Variants in PTPDC1 observed in about 807,000 individuals in gnomAD.
PTPDC1 encodes the protein protein tyrosine phosphatase domain containing 1.
In PTPDC1, 53 loss-of-function variants were observed where a neutral mutation model predicts 75.3. The observed-to-expected ratio is 0.70, with a 90% CI of 0.56 to 0.88. PTPDC1 has a LOEUF of 0.88. Among genes scored for constraint, PTPDC1 ranks in the 40% least tolerant of loss-of-function variants. The probability of loss-of-function intolerance (pLI) is 0.00; values close to 1 mark genes in which losing one functional copy is unlikely to be tolerated. For synonymous variants in PTPDC1, 349 were observed against 366.2 expected, an observed-to-expected ratio of 0.95 and a Z score of 0.54; for missense variants, 925 against 998.6, an observed-to-expected ratio of 0.93 and a Z score of 0.99.
chr9:94,051,389 T>C (rs1825788155), intron 1 of PTPDC1, among the ~76,000 whole-genome samples: 1 of 152,226 alleles, frequency 6.6e-6, no homozygotes, highest in Non-Finnish European at 1.5e-5. Context: ...AAGTATGATA[T>C]TAACTGTGAC....
chr9:94,088,011 G>A lies in PTPDC1; in HGVS notation c.497+100G>A, dbSNP rs1827138913. On this transcript the variant is annotated intron_variant, in intron 3 of 8. Coordinates refer to ENST00000620992, the MANE Select transcript of PTPDC1 (RefSeq NM_001253829.2). ...AAAGAGTGCTTTCATTTTAACAATA[G>A]GCAGTGAAGAGTGTATTTCAAATGA... 2.1e-6 allele frequency: 3 copies of A among 1,437,730 alleles called. No homozygotes were observed. The Admixed American group carries it at 5.3e-5, about 26-fold the overall frequency. The allele number at this position is 1,437,730 out of a possible 1,614,324, so 89.1% of individuals were successfully genotyped here.
In PTPDC1 at chr9:94,047,569, G is replaced by C. The variant is rs569066419; in HGVS notation, c.-7+16442G>C. 9.7e-4 allele frequency among the ~76,000 whole-genome samples: 147 copies of C among 152,278 alleles called. 1 individual carries two copies. The highest frequency in any genetic ancestry group is 3.5e-3 in the African/African-American group (144 of 41,552). ...AGAAGGCAAGAAATAACTAAGATCA[G>C]AGCAGAACTGAAGGAAATAGAGACA... On this transcript the variant is annotated intron_variant, in intron 1 of 9. Transcript: ENST00000375360.
At chr9:94,036,028 T>TG (rs1825255110) in intron 1 of PTPDC1, among the ~76,000 whole-genome samples, 1 of 143,636 alleles carries the variant, frequency 7.0e-6, no homozygotes, top group African/African-American at 2.7e-5. Context: ...TATTTGTTTT[T>TG]TTTTTTGTTT....
At chr9:94,077,607 C>G (rs1201928305) in intron 2 of PTPDC1, among the ~76,000 whole-genome samples, 2 of 152,190 alleles carry the variant, frequency 1.3e-5, no homozygotes, top group African/African-American at 4.8e-5. Context: ...GGAAGAGGCA[C>G]AGAGCATCCA....
chr9:94,069,311 A>G (rs1826429696), intron 2 of PTPDC1, among the ~76,000 whole-genome samples: 1 of 152,132 alleles, frequency 6.6e-6, no homozygotes, highest in Non-Finnish European at 1.5e-5. Flanking sequence ...AAATCCATGC[A>G]TACTCAAGTC....
At chr9:94,106,248 A>G (rs1336939724) in intron 8 of PTPDC1, among the ~76,000 whole-genome samples, 1 of 152,194 alleles carries the variant, frequency 6.6e-6, no homozygotes, top group African/African-American at 2.4e-5. Context: ...ATGTCTCTTC[A>G]TAGTCTGATG....
At chr9:94,074,405 A>G (rs1826611332) in intron 2 of PTPDC1, among the ~76,000 whole-genome samples, 5 of 152,206 alleles carry the variant, frequency 3.3e-5, no homozygotes, top group Admixed American at 3.3e-4. Flanking sequence ...GATCAGCAAC[A>G]TGAGAAAAAA....
At chr9:94,073,096 C>T (rs1826569922) in intron 2 of PTPDC1, among the ~76,000 whole-genome samples, 3 of 152,076 alleles carry the variant, frequency 2.0e-5, no homozygotes, top group African/African-American at 7.2e-5. Context: ...AATTGGTGCC[C>T]ATTCTTCTTT....
At chr9:94,101,327 G>A in intron 6 of PTPDC1, 1 of 382,664 alleles carries the variant, frequency 2.6e-6, no homozygotes, top group South Asian at 8.1e-5. Context: ...CAGCCCAACA[G>A]CTTGTGAAGC....
chr9:94,070,676 C>T (rs1826482112), intron 2 of PTPDC1, among the ~76,000 whole-genome samples: 1 of 152,214 alleles, frequency 6.6e-6, no homozygotes. Flanking sequence ...CACCTACACT[C>T]CTAACTCTGG....
At chr9:94,087,042 C>G (rs1827098078) in intron 2 of PTPDC1, among the ~76,000 whole-genome samples, 1 of 152,186 alleles carries the variant, frequency 6.6e-6, no homozygotes, top group Admixed American at 6.5e-5. Flanking sequence ...CACCTTGTAA[C>G]TAAGATTCAG....
At chr9:94,097,280 TA>T in intron 5 of PTPDC1, 40 bp from the exon 6 acceptor site, 2 of 1,279,218 alleles carry the variant, frequency 1.6e-6, no homozygotes, top group Non-Finnish European at 2.2e-6. Flanking sequence ...AATAAAAATG[TA>T]AGCTTTTCTC....
At chr9:94,104,429 C>G in intron 8 of PTPDC1, 44 bp downstream of exon 8, 1 of 1,296,500 alleles carries the variant, frequency 7.7e-7, no homozygotes, top group Non-Finnish European at 1.1e-6. Flanking sequence ...CACAGATCAG[C>G]ATCATCTTTG....
rs372256547 is a variant in PTPDC1 at position 94,097,421 on chromosome 9, A to T, written c.855A>T (p.Arg285Ser). The T allele has an allele frequency of 1.9e-5, 30 of 1,614,046 alleles. No homozygotes were observed. Among genetic ancestry groups the T allele is most frequent in the Non-Finnish European group, 1.4e-5 (17 of 1,179,994 alleles). ...RAKRPNSIQTRGQLLCVREFT... is the reference protein window; with the variant it reads ...RAKRPNSIQTSGQLLCVREFT... Reference sequence around the variant, plus strand: ...AGCGACCCAATTCCATACAAACCAGAGGACAGCTCCTCTGTGTAAGGGAAT... The same window carrying T: ...AGCGACCCAATTCCATACAAACCAGTGGACAGCTCCTCTGTGTAAGGGAAT... Residue 285 changes from arginine (R) to serine (S), a missense_variant, in exon 6 of 9, where the codon AGA becomes AGT. By Grantham distance (110) the Arg-to-Ser change is moderately radical. Transcript: ENST00000620992.
intron 1 of PTPDC1, among the ~76,000 whole-genome samples, chr9:94,049,747 T>G (rs950392862): frequency 1.3e-5 from 2 of 152,330 alleles, no homozygotes; most frequent in Admixed American, 6.5e-5. Context: ...TTTCCTGAAT[T>G]TGAATGTTGG....
At chr9:94,074,672 T>C (rs1826625054) in intron 2 of PTPDC1, among the ~76,000 whole-genome samples, 1 of 152,152 alleles carries the variant, frequency 6.6e-6, no homozygotes, top group Non-Finnish European at 1.5e-5. Flanking sequence ...ACTATCCTGC[T>C]TCACACCCCC....
At chr9:94,088,329 G>A in intron 4 of PTPDC1, 66 bp downstream of exon 4, 1 of 1,539,202 alleles carries the variant, frequency 6.5e-7, no homozygotes, top group South Asian at 1.2e-5. Flanking sequence ...TTCTCTGCTG[G>A]GTTCTTAGAT....
rs1328699514 is a variant in PTPDC1, at chr9:94,109,657, C to CA, written c.*1714dup. 1.3e-5 allele frequency: 2 copies of CA among 152,088 alleles called. 1 individual carries two copies. The highest frequency in any genetic ancestry group is 2.9e-5 in the Non-Finnish European group (2 of 68,038). The allele number at this position is 152,088 out of a possible 1,614,324, so 9.4% of individuals were successfully genotyped here. ...GTAGGCCTCATTTGGGCAAGTGACC[C>CA]ACAGGTCTTTTGGCGAGTTTGCTAT... On this transcript the variant is annotated 3_prime_UTR_variant, in exon 9 of 9. Transcript: ENST00000620992.
chr9:94,097,856 G>A lies in PTPDC1; in HGVS notation c.1290G>A (p.Arg430=). 6.2e-7 allele frequency: 1 copy of A among 1,614,166 alleles called. No homozygotes were observed. Among genetic ancestry groups the A allele is most frequent in the Non-Finnish European group, 8.5e-7 (1 of 1,180,030 alleles). The part of the protein sequence containing the change: ...EQQFDPLWKR[R]NVECLQPLTH... ...AGTTTGACCCTCTTTGGAAAAGGCG[G>A]AATGTTGAGTGCCTTCAACCCCTGA... is the stretch of plus-strand genomic sequence containing the variant. The change falls in exon 6 of 9, where the codon CGG becomes CGA. Residue 430 remains arginine, a synonymous_variant. Transcript: ENST00000620992.
Sources: gnomAD v4.1 joint callset for allele counts (sites outside exome capture counted in the v4.1 genomes callset) on GRCh38, gnomAD v4.1.1 for gene constraint, MANE v1.5 for transcripts, NCBI Gene and HGNC (gene_info 2026-07-23, HGNC 2026-07-21) for gene names.